The following YPEL2 variants were observed in gnomAD, a reference collection of about 807,000 sequenced individuals.
The protein encoded by YPEL2 is protein yippee-like 2.
In YPEL2, 2 loss-of-function variants were observed where a neutral mutation model predicts 19.1. The ratio of observed to expected loss-of-function variants is 0.10; its 90% CI spans 0.04 to 0.33. The LOEUF (loss-of-function observed/expected upper bound fraction) is 0.33, where lower values mean the gene tolerates loss of function less well. Ranked by LOEUF, YPEL2 falls within the 10% of genes least tolerant of loss-of-function variation. The pLI is 1.00. For synonymous variants in YPEL2, 52 were observed against 50.0 expected, an observed-to-expected ratio of 1.04 and a Z score of -0.17; for missense variants, 66 against 140.7, an observed-to-expected ratio of 0.47 and a Z score of 2.68.
At chr17:59,336,569 CTAA>C (rs2147932238) in intron 1 of YPEL2, among the ~76,000 whole-genome samples, 1 of 152,278 alleles carries the variant, frequency 6.6e-6, no homozygotes, top group South Asian at 2.1e-4. Flanking sequence ...TAAAATGGTA[CTAA>C]TAATAGTTTG....
chr17:59,381,990 C>T (rs2047951777), intron 2 of YPEL2, among the ~76,000 whole-genome samples: 1 of 152,216 alleles, frequency 6.6e-6, no homozygotes, highest in Non-Finnish European at 1.5e-5. Context: ...GGGCTGGGCC[C>T]CACAGGATCC....
At chr17:59,343,129 A>G (rs2047739807) in intron 1 of YPEL2, among the ~76,000 whole-genome samples, 2 of 152,218 alleles carry the variant, frequency 1.3e-5, no homozygotes, top group South Asian at 2.1e-4. Context: ...TGGCATCACA[A>G]GAGTTTACTG....
chr17:59,377,855 A>G (rs1030025790), intron 2 of YPEL2, among the ~76,000 whole-genome samples: 10 of 152,196 alleles, frequency 6.6e-5, no homozygotes, highest in African/African-American at 2.2e-4. Context: ...TCCCATTTTA[A>G]ATCCTGAAAG....
intron 1 of YPEL2, among the ~76,000 whole-genome samples, chr17:59,349,504 G>C (rs2047776600): frequency 6.6e-6 from 1 of 151,566 alleles, no homozygotes; most frequent in South Asian, 2.1e-4. Flanking sequence ...GCGCTACCAT[G>C]CCTGGCTAAT....
At chr17:59,393,400 G>GT (rs1171898760) in intron 4 of YPEL2, among the ~76,000 whole-genome samples, 1 of 150,726 alleles carries the variant, frequency 6.6e-6, no homozygotes, top group East Asian at 1.9e-4. Context: ...CTCTCAAAGG[G>GT]TTAGGATTAT....
At chr17:59,383,924 A>T (rs2047967430) in intron 2 of YPEL2, among the ~76,000 whole-genome samples, 1 of 152,010 alleles carries the variant, frequency 6.6e-6, no homozygotes, top group African/African-American at 2.4e-5. Context: ...CATTTGAGAC[A>T]TTTAGGTTGT....
chr17:59,334,364 A>G (rs1365186545), intron 1 of YPEL2, among the ~76,000 whole-genome samples: 3 of 135,668 alleles, frequency 2.2e-5, no homozygotes, highest in African/African-American at 5.1e-5. Context: ...GCCTCGGGGG[A>G]AGGCAGGCAG....
At chr17:59,365,988 GT>G (rs2047866806) in intron 2 of YPEL2, 1 of 152,296 alleles carries the variant, frequency 6.6e-6, no homozygotes, top group South Asian at 2.1e-4. Flanking sequence ...CTTTGAAGGG[GT>G]AAATTATGAT....
intron 1 of YPEL2, among the ~76,000 whole-genome samples, chr17:59,334,397 G>C (rs917683764): frequency 6.2e-5 from 8 of 128,872 alleles, no homozygotes; most frequent in South Asian, 2.3e-4. Context: ...ATTTGGGGGG[G>C]GGTGAGGAGT....
intron 4 of YPEL2, among the ~76,000 whole-genome samples, chr17:59,396,634 G>A (rs1317022249): frequency 1.1e-4 from 16 of 152,164 alleles, no homozygotes; most frequent in Non-Finnish European, 1.5e-4. Flanking sequence ...GACATAAAGC[G>A]CTTGAGGGGT....
In YPEL2 at chr17:59,349,362, T is replaced by C. The variant is rs111456556; in HGVS notation, c.-195-3853T>C. On this transcript the variant is annotated intron_variant, in intron 1 of 4. Transcript: ENST00000312655. ...CAGCCCACAGGCCTTTTTTTTCTTT[T>C]TTTTTTTTTTTTTTTTGTTGAGACG... Among the ~76,000 whole-genome samples the C allele has an allele frequency of 7.1e-3, 1,017 of 142,820 alleles. 4 individuals carry two copies. Among genetic ancestry groups the C allele is most frequent in the Non-Finnish European group, 9.1e-3 (592 of 65,230 alleles). 93.7% of individuals were successfully genotyped at this position (142,820 alleles called of 152,430 possible). A position where few individuals can be genotyped will look rare whatever the true frequency, so the allele number is the denominator to read the frequency against.
Position 59,364,051 on chromosome 17 carries a change from A to G in YPEL2, c.117+10525A>G, listed in dbSNP as rs571145834. On this transcript the variant is annotated intron_variant, in intron 2 of 4. Transcript: ENST00000312655. ...TCACTCTCTGGTTGTTCATTTGGAA[A>G]TTAATGACTGTCTTGTGGTATGGTC... Among the ~76,000 whole-genome samples, 3 of 152,330 alleles carry G rather than the reference A, an allele frequency of 2.0e-5. No homozygotes were observed. In the South Asian group the frequency reaches 6.2e-4, roughly 32 times the overall value.
chr17:59,382,968 G>A lies in YPEL2; in HGVS notation c.118-5359G>A, dbSNP rs145323024. Among the ~76,000 whole-genome samples the A allele has an allele frequency of 3.9e-3, 598 of 152,028 alleles. 3 individuals carry two copies. Among genetic ancestry groups the A allele is most frequent in the African/African-American group, 0.013 (555 of 41,466 alleles). On this transcript the variant is annotated intron_variant, in intron 2 of 4. Coordinates refer to ENST00000312655, the MANE Select transcript of YPEL2 (RefSeq NM_001005404.4). ...CTGAAAAGTGTTCTTACAATATTTCGGAAAAATCCTTCACAAATATAATTT... is the reference window on the plus strand; with the variant it reads ...CTGAAAAGTGTTCTTACAATATTTCAGAAAAATCCTTCACAAATATAATTT...
chr17:59,381,085 A>G (rs1288982464), intron 2 of YPEL2, among the ~76,000 whole-genome samples: 1 of 152,178 alleles, frequency 6.6e-6, no homozygotes, highest in African/African-American at 2.4e-5. Context: ...CTTCTCAGCA[A>G]CCCTAGGAAA....
chr17:59,392,780 G>A (rs1406164048), intron 4 of YPEL2, among the ~76,000 whole-genome samples: 1 of 152,080 alleles, frequency 6.6e-6, no homozygotes, highest in African/African-American at 2.4e-5. Flanking sequence ...TCAAAGTGCT[G>A]GGATTACAGG....
In YPEL2 at chr17:59,398,961, G is replaced by T. The variant is rs2048055746; in HGVS notation, c.*1771G>T. The stretch of plus-strand genomic sequence containing the variant: ...TTTTTGTGTGTCTCCACGCGCTGAT[G>T]GTGGAATGGGAGCCCCAAGACGTGT... On this transcript the variant is annotated 3_prime_UTR_variant, in exon 5 of 5. Coordinates refer to ENST00000312655, the MANE Select transcript of YPEL2 (RefSeq NM_001005404.4). 1 of 152,178 alleles carries T rather than the reference G, an allele frequency of 6.6e-6. No homozygotes were observed. Among genetic ancestry groups the T allele is most frequent in the African/African-American group, 2.4e-5 (1 of 41,440 alleles). 9.4% of individuals were successfully genotyped at this position (152,178 alleles called of 1,614,324 possible).
intron 2 of YPEL2, among the ~76,000 whole-genome samples, chr17:59,357,444 T>C (rs1450969470): frequency 6.6e-6 from 1 of 152,176 alleles, no homozygotes; most frequent in Non-Finnish European, 1.5e-5. Context: ...ATCTAGGGAA[T>C]GTGCTGAGGC....
intron 4 of YPEL2, among the ~76,000 whole-genome samples, chr17:59,394,121 C>T (rs972956317): frequency 3.4e-5 from 5 of 147,030 alleles, no homozygotes; most frequent in Admixed American, 6.7e-5. Context: ...CTCCCGGACG[C>T]GGCAGCTGGC....
intron 1 of YPEL2, among the ~76,000 whole-genome samples, chr17:59,342,097 A>G (rs981649497): frequency 3.3e-5 from 5 of 152,166 alleles, no homozygotes; most frequent in Non-Finnish European, 7.3e-5. Context: ...CAGAGTCTAG[A>G]GTTTTGGATT....
Sources: gnomAD v4.1 joint callset for allele counts (sites outside exome capture counted in the v4.1 genomes callset) on GRCh38, gnomAD v4.1.1 for gene constraint, MANE v1.5 for transcripts, NCBI Gene and HGNC (gene_info 2026-07-23, HGNC 2026-07-21) for gene names.